ST3GAL1: variants seen among roughly 807,000 people sequenced by gnomAD.
ST3GAL1 encodes CMP-N-acetylneuraminate-beta-galactosamide-alpha-2,3-sialyltransferase 1.
In ST3GAL1, 16 loss-of-function variants were observed where a neutral mutation model predicts 34.1. The observed-to-expected ratio is 0.47, with a 90% confidence interval of 0.32 to 0.71. The LOEUF is 0.71. Ranked by LOEUF, ST3GAL1 falls within the 30% of genes least tolerant of loss-of-function variation. The pLI is 0.04. For synonymous variants in ST3GAL1, 191 were observed against 184.7 expected, an observed-to-expected ratio of 1.03 and a Z score of -0.28; for missense variants, 353 against 447.4, an observed-to-expected ratio of 0.79 and a Z score of 1.90.
intron 1 of ST3GAL1, among the ~76,000 whole-genome samples, chr8:133,562,850 CTTTT>C (rs11374505): frequency 6.6e-5 from 7 of 106,338 alleles, no homozygotes; most frequent in African/African-American, 7.9e-5. Flanking sequence ...TCCTTTCTTT[CTTTT>C]TTTTTTTTTT....
chr8:133,466,360 G>A lies in ST3GAL1; in HGVS notation c.307-270C>T, dbSNP rs1042746068. Among the ~76,000 whole-genome samples the A allele has an allele frequency of 6.6e-5, 10 of 152,190 alleles. No homozygotes were observed. Among genetic ancestry groups the A allele is most frequent in the African/African-American group, 1.2e-4 (5 of 41,450 alleles). On this transcript the variant is annotated intron_variant, in intron 5 of 9. Coordinates refer to ENST00000522652, the MANE Select transcript of ST3GAL1 (RefSeq NM_173344.3). The surrounding 1 kb of genome is among the most constrained non-coding windows in gnomAD (Gnocchi z 4.4). ...CCATGTGCCAGGCACTGCTGAAGCC[G>A]CTTGGGTGATCCAGCCACACCTGGA...
At chr8:133,514,219 A>T (rs1817579509) in intron 2 of ST3GAL1, among the ~76,000 whole-genome samples, 1 of 152,238 alleles carries the variant, frequency 6.6e-6, no homozygotes, top group Non-Finnish European at 1.5e-5. Flanking sequence ...TTTCTTACTC[A>T]TGGGGATCTA....
At chr8:133,553,448 T>C (rs901034380) in intron 1 of ST3GAL1, among the ~76,000 whole-genome samples, 5 of 152,208 alleles carry the variant, frequency 3.3e-5, no homozygotes, top group Admixed American at 3.3e-4. Context: ...AAAGCCTCAC[T>C]TTACCTGCTG....
chr8:133,546,557 GCTCC>G (rs1395400006), intron 1 of ST3GAL1, among the ~76,000 whole-genome samples: 1 of 151,486 alleles, frequency 6.6e-6, no homozygotes, highest in Non-Finnish European at 1.5e-5. Flanking sequence ...ATTTTTAGCT[GCTCC>G]CTAAACAAAG....
At chr8:133,471,238 T>C (rs1023297298) in intron 5 of ST3GAL1, among the ~76,000 whole-genome samples, 1 of 152,194 alleles carries the variant, frequency 6.6e-6, no homozygotes, top group African/African-American at 2.4e-5. Context: ...GATATGTCCA[T>C]TGAATAAGTG....
At chr8:133,465,733 A>C in intron 6 of ST3GAL1, 161 bp downstream of exon 6, 1 of 669,144 alleles carries the variant, frequency 1.5e-6, no homozygotes, top group Non-Finnish European at 2.5e-6. Flanking sequence ...GAGATGGGGA[A>C]GCTGAGGCCC....
Position 133,466,225 on chromosome 8 carries a change from G to T in ST3GAL1, c.307-135C>A. ...TTCTCTCTGCTGGGCCCCCGGAGAT[G>T]GAGGCGGCTCACACACAGACACCTC... On this transcript the variant is annotated intron_variant, in intron 5 of 9. Transcript: ENST00000522652. This position sits in a 1 kb window ranked among gnomAD's most constrained non-coding sequence, Gnocchi z 4.4. 1 of 845,754 alleles carries T rather than the reference G, an allele frequency of 1.2e-6. No homozygotes were observed. The highest frequency in any genetic ancestry group is 1.8e-6 in the Non-Finnish European group (1 of 554,878). The allele number at this position is 845,754 out of a possible 1,614,324, so 52.4% of individuals were successfully genotyped here.
intron 2 of ST3GAL1, among the ~76,000 whole-genome samples, chr8:133,544,535 T>C (rs1586657641): frequency 6.6e-6 from 1 of 152,208 alleles, no homozygotes; most frequent in South Asian, 2.1e-4. Context: ...CATCTTCAGC[T>C]CATTTTCTTC....
At chr8:133,547,610 G>A (rs1407619811) in intron 1 of ST3GAL1, among the ~76,000 whole-genome samples, 1 of 152,146 alleles carries the variant, frequency 6.6e-6, no homozygotes, top group Non-Finnish European at 1.5e-5. Flanking sequence ...AGGCACCCCA[G>A]CTCAGCCCCC....
At position 133,556,367 on chromosome 8, in the gene ST3GAL1, C is replaced by T. The variant is rs931182276; in HGVS notation, c.-581-10441G>A. Among the ~76,000 whole-genome samples the T allele has an allele frequency of 6.6e-6, 1 of 152,216 alleles. No homozygotes were observed. Among genetic ancestry groups the T allele is most frequent in the Non-Finnish European group, 1.5e-5 (1 of 68,048 alleles). On this transcript the variant is annotated intron_variant, in intron 1 of 9. Coordinates refer to ENST00000522652, the MANE Select transcript of ST3GAL1 (RefSeq NM_173344.3). The surrounding 1 kb of genome is among the most constrained non-coding windows in gnomAD (Gnocchi z 8.9). ...GCCTGTCTTCTCCCCCTGGCCTTGG[C>T]CTCCTGGACAGGAGACAACCCCTTG... is the stretch of plus-strand genomic sequence containing the variant.
Position 133,466,196 on chromosome 8 carries a change from A to T in ST3GAL1, c.307-106T>A, listed in dbSNP as rs1815729142. ...GTCGTTTACTGGGGCCCTCCTGTTC[A>T]CCCTTCTCTCTGCTGGGCCCCCGGA... On this transcript the variant is annotated intron_variant, in intron 5 of 9. Coordinates refer to ENST00000522652, the MANE Select transcript of ST3GAL1 (RefSeq NM_173344.3). The surrounding 1 kb of genome is among the most constrained non-coding windows in gnomAD (Gnocchi z 4.4). The T allele has an allele frequency of 8.4e-7, 1 of 1,183,560 alleles. No homozygotes were observed. Among genetic ancestry groups the T allele is most frequent in the African/African-American group, 1.5e-5 (1 of 64,828 alleles). The allele number at this position is 1,183,560 out of a possible 1,614,324, so 73.3% of individuals were successfully genotyped here.
chr8:133,522,478 A>G (rs1157482790), intron 2 of ST3GAL1, among the ~76,000 whole-genome samples: 1 of 152,074 alleles, frequency 6.6e-6, no homozygotes, highest in East Asian at 1.9e-4. Context: ...AGGCTCAGAG[A>G]GGTCAACTGA....
chr8:133,531,300 T>A (rs1002769342), intron 2 of ST3GAL1, among the ~76,000 whole-genome samples: 5 of 152,234 alleles, frequency 3.3e-5, no homozygotes, highest in Admixed American at 6.5e-5. Context: ...ATTATGTATG[T>A]GTACATATAA....
At chr8:133,470,825 T>A (rs1277105524) in intron 5 of ST3GAL1, among the ~76,000 whole-genome samples, 1 of 151,972 alleles carries the variant, frequency 6.6e-6, no homozygotes, top group African/African-American at 2.4e-5. Context: ...AGAGCGGACA[T>A]CTCCTTGAAG....
chr8:133,493,615 G>T (rs1816849411), intron 3 of ST3GAL1, among the ~76,000 whole-genome samples: 1 of 152,204 alleles, frequency 6.6e-6, no homozygotes, highest in Non-Finnish European at 1.5e-5. Flanking sequence ...GGGAGACCCA[G>T]GCAGGTGGAC....
intron 2 of ST3GAL1, among the ~76,000 whole-genome samples, chr8:133,538,594 C>A (rs1051152231): frequency 6.6e-6 from 1 of 152,200 alleles, no homozygotes; most frequent in African/African-American, 2.4e-5. Flanking sequence ...GGAGAGGATG[C>A]AAAAGGCTGA....
intron 2 of ST3GAL1, among the ~76,000 whole-genome samples, chr8:133,512,079 A>T (rs752599346): frequency 7.9e-5 from 12 of 152,236 alleles, no homozygotes; most frequent in Non-Finnish European, 1.6e-4. Flanking sequence ...AAATATTAAG[A>T]AGAATTGACT....
At chr8:133,485,036 GA>G (rs1816533891) in intron 3 of ST3GAL1, among the ~76,000 whole-genome samples, 1 of 152,202 alleles carries the variant, frequency 6.6e-6, no homozygotes. Flanking sequence ...ATCCCATATT[GA>G]GAGTTGCATC....
At chr8:133,514,216 C>T (rs111794237) in intron 2 of ST3GAL1, among the ~76,000 whole-genome samples, 5,636 of 152,304 alleles carry the variant, frequency 0.037, 108 homozygotes, top group African/African-American at 0.054. Context: ...TCCTTTCTTA[C>T]TCATGGGGAT....
Sources: allele counts gnomAD v4.1 joint callset (sites outside exome capture counted in the v4.1 genomes callset), GRCh38; gene constraint gnomAD v4.1.1; non-coding constraint Gnocchi (gnomAD v3.1); transcripts MANE v1.5; gene names NCBI Gene and HGNC (gene_info 2026-07-23, HGNC 2026-07-21).